The following ARHGAP44 variants were observed in gnomAD, a reference collection of about 807,000 sequenced individuals.
The protein encoded by ARHGAP44 is rho GTPase-activating protein 44.
Under a neutral mutation model 106.8 loss-of-function variants are expected in ARHGAP44, and 43 were observed. The ratio of observed to expected loss-of-function variants is 0.40; its 90% CI spans 0.32 to 0.52. The LOEUF (loss-of-function observed/expected upper bound fraction) is 0.52, where lower values mean the gene tolerates loss of function less well. Ranked by LOEUF, ARHGAP44 falls within the 20% of genes least tolerant of loss-of-function variation. The pLI is 0.48. For missense variants in ARHGAP44, 866 were observed against 1,050.5 expected, an observed-to-expected ratio of 0.82 and a Z score of 2.43; for synonymous variants, 439 against 410.3, an observed-to-expected ratio of 1.07 and a Z score of -0.85.
intron 4 of ARHGAP44, among the ~76,000 whole-genome samples, chr17:12,914,526 C>T (rs1266539304): frequency 6.6e-6 from 1 of 152,042 alleles, no homozygotes; most frequent in Non-Finnish European, 1.5e-5. Flanking sequence ...AGTAAAAAAG[C>T]AAGGCTGCCT....
intron 16 of ARHGAP44, among the ~76,000 whole-genome samples, chr17:12,959,809 A>G (rs2039215654): frequency 6.6e-6 from 1 of 152,256 alleles, no homozygotes; most frequent in Non-Finnish European, 1.5e-5. Flanking sequence ...GAGAGCATAA[A>G]GCATTGAATG....
intron 20 of ARHGAP44, chr17:12,988,669 T>C (rs1361165363): frequency 1.3e-5 from 2 of 152,256 alleles, no homozygotes; most frequent in African/African-American, 4.8e-5. Flanking sequence ...TTCAGGACAG[T>C]GTCCAAATGT....
At chr17:12,821,181 A>T (rs2034759470) in intron 1 of ARHGAP44, among the ~76,000 whole-genome samples, 1 of 152,206 alleles carries the variant, frequency 6.6e-6, no homozygotes, top group Non-Finnish European at 1.5e-5. Context: ...TGAAATCAAA[A>T]CAGGACAGTT....
At chr17:12,930,164 C>G (rs1025377636) in intron 7 of ARHGAP44, among the ~76,000 whole-genome samples, 1 of 152,076 alleles carries the variant, frequency 6.6e-6, no homozygotes, top group African/African-American at 2.4e-5. Context: ...GTGTGGTATT[C>G]CTGAAGCATA....
At chr17:12,978,065 C>G (rs12950645) in intron 18 of ARHGAP44, among the ~76,000 whole-genome samples, 61,194 of 118,106 alleles carry the variant, frequency 0.52, 13,584 homozygotes, top group Non-Finnish European at 0.52. Context: ...AAGTGTGTTT[C>G]GTGGCAGGGA....
At chr17:12,950,281 A>T (rs2038961553) in intron 12 of ARHGAP44, among the ~76,000 whole-genome samples, 1 of 152,154 alleles carries the variant, frequency 6.6e-6, no homozygotes, top group Non-Finnish European at 1.5e-5. Context: ...CTCATCTATA[A>T]TAGCTGAATA....
chr17:12,791,043 G>A (rs553852315), intron 1 of ARHGAP44, among the ~76,000 whole-genome samples: 10 of 152,258 alleles, frequency 6.6e-5, no homozygotes, highest in Admixed American at 4.6e-4. Context: ...TAGGATGGGG[G>A]TGGGGACATC....
intron 1 of ARHGAP44, among the ~76,000 whole-genome samples, chr17:12,890,311 C>G (rs1053412624): frequency 6.6e-6 from 1 of 152,124 alleles, no homozygotes; most frequent in East Asian, 1.9e-4. Flanking sequence ...TAGTTTTGTA[C>G]CCCTGTCTCC....
At chr17:12,861,615 TCTGAA>T (rs2036077681) in intron 1 of ARHGAP44, among the ~76,000 whole-genome samples, 1 of 149,032 alleles carries the variant, frequency 6.7e-6, no homozygotes, top group South Asian at 2.2e-4. Flanking sequence ...CACATCTCCC[TCTGAA>T]TTCCTCTTCT....
intron 12 of ARHGAP44, among the ~76,000 whole-genome samples, chr17:12,950,391 G>C (rs1306603076): frequency 6.6e-6 from 1 of 152,176 alleles, no homozygotes; most frequent in Non-Finnish European, 1.5e-5. Flanking sequence ...TGCGCCCAAG[G>C]GAGAGGCCGC....
At chr17:12,947,360 C>T (rs774460634) in intron 10 of ARHGAP44, among the ~76,000 whole-genome samples, 52 of 152,160 alleles carry the variant, frequency 3.4e-4, no homozygotes, top group Non-Finnish European at 6.5e-4. Context: ...CTGGTTCCCT[C>T]TGGCCTCTGA....
intron 10 of ARHGAP44, among the ~76,000 whole-genome samples, chr17:12,944,467 G>A (rs2038795184): frequency 6.6e-6 from 1 of 151,710 alleles, no homozygotes; most frequent in South Asian, 2.1e-4. Flanking sequence ...AACATGTTTG[G>A]ATAATTTGGG....
At chr17:12,963,046 C>CAAAAAAAAAAA (rs71369355) in intron 16 of ARHGAP44, among the ~76,000 whole-genome samples, 3 of 70,950 alleles carry the variant, frequency 4.2e-5, no homozygotes, top group African/African-American at 6.5e-5. Flanking sequence ...AACACCATCT[C>CAAAAAAAAAAA]AAAAAAAAAA....
chr17:12,930,249 T>C (rs1408392671), intron 7 of ARHGAP44, among the ~76,000 whole-genome samples: 1 of 152,190 alleles, frequency 6.6e-6, no homozygotes, highest in Non-Finnish European at 1.5e-5. Flanking sequence ...CTTTTTTTTT[T>C]TGAGGCAGAG....
chr17:12,840,058 G>A (rs2035346857), intron 1 of ARHGAP44, among the ~76,000 whole-genome samples: 1 of 152,004 alleles, frequency 6.6e-6, no homozygotes, highest in Non-Finnish European at 1.5e-5. Flanking sequence ...TTTACCTATT[G>A]CCATTTGCTG....
chr17:12,870,453 G>A (rs1365078704), intron 1 of ARHGAP44, among the ~76,000 whole-genome samples: 1 of 152,108 alleles, frequency 6.6e-6, no homozygotes, highest in Non-Finnish European at 1.5e-5. Context: ...AGCAGCAGTG[G>A]ATGAGCATCC....
intron 1 of ARHGAP44, among the ~76,000 whole-genome samples, chr17:12,814,141 T>G (rs2150784179): frequency 6.6e-6 from 1 of 151,632 alleles, no homozygotes; most frequent in Non-Finnish European, 1.5e-5. Context: ...CTCTTTGGGG[T>G]TTTTCAGACT....
chr17:12,804,061 A>T (rs1483568746), intron 1 of ARHGAP44, among the ~76,000 whole-genome samples: 1 of 152,256 alleles, frequency 6.6e-6, no homozygotes, highest in East Asian at 1.9e-4. Flanking sequence ...GTGTCTTGTG[A>T]TTAAGTCACT....
chr17:12,875,418 G>A (rs1448766031), intron 1 of ARHGAP44, among the ~76,000 whole-genome samples: 6 of 151,220 alleles, frequency 4.0e-5, no homozygotes, highest in Admixed American at 4.0e-4. Context: ...ACATAGCAAG[G>A]CCTTGTCTCT....
Sources: allele counts gnomAD v4.1 joint callset (sites outside exome capture counted in the v4.1 genomes callset), GRCh38; gene constraint gnomAD v4.1.1; transcripts MANE v1.5; gene names NCBI Gene and HGNC (gene_info 2026-07-23, HGNC 2026-07-21).